APBA1: variants seen among roughly 807,000 people sequenced by gnomAD.
The protein encoded by APBA1 is amyloid beta precursor protein binding family A member 1.
Under a neutral mutation model 86.6 loss-of-function variants are expected in APBA1, and 55 were observed. That is an observed-to-expected ratio of 0.64 (90% CI 0.51 to 0.80). The LOEUF (loss-of-function observed/expected upper bound fraction) is 0.80, where lower values mean the gene tolerates loss of function less well. Among genes scored for constraint, APBA1 ranks in the 30% least tolerant of loss-of-function variants. APBA1 has a pLI of 0.00. For synonymous variants in APBA1, 511 were observed against 493.9 expected (o/e 1.03, Z -0.46); for missense variants, 1,090 against 1,183.0 (o/e 0.92, Z 1.15).
At chr9:69,441,144 T>C (rs564913151) in intron 10 of APBA1, 29 bp from the exon 11 acceptor site, 27 of 1,602,966 alleles carry the variant, frequency 1.7e-5, no homozygotes, top group Non-Finnish European at 2.3e-5. Context: ...ACAGTGGGTA[T>C]GGTGACCACT....
intron 1 of APBA1, among the ~76,000 whole-genome samples, chr9:69,565,433 AC>A (rs2133942587): frequency 6.6e-6 from 1 of 152,046 alleles, no homozygotes; most frequent in African/African-American, 2.4e-5. Context: ...AGCTCCTATG[AC>A]CTTAATCATC....
intron 1 of APBA1, among the ~76,000 whole-genome samples, chr9:69,524,605 A>G (rs968046435): frequency 6.6e-6 from 1 of 151,662 alleles, no homozygotes; most frequent in African/African-American, 2.4e-5. Flanking sequence ...AAACCTACCA[A>G]CTGAAAAAAA....
intron 2 of APBA1, among the ~76,000 whole-genome samples, chr9:69,506,444 G>A (rs1835968183): frequency 1.9e-5 from 2 of 104,928 alleles, no homozygotes; most frequent in Admixed American, 2.0e-4. Flanking sequence ...CTGATTGCTA[G>A]CACAGCAGTC....
intron 1 of APBA1, among the ~76,000 whole-genome samples, chr9:69,519,936 G>A (rs1387075047): frequency 6.6e-6 from 1 of 152,180 alleles, no homozygotes; most frequent in African/African-American, 2.4e-5. Context: ...CTCTGGTGGG[G>A]CAGGGGGTGG....
At chr9:69,635,254 TCTTTA>T (rs1172803793) in intron 1 of APBA1, among the ~76,000 whole-genome samples, 2 of 152,156 alleles carry the variant, frequency 1.3e-5, no homozygotes, top group Admixed American at 6.6e-5. Flanking sequence ...ATTACTTTTC[TCTTTA>T]CTTGTTTGTT....
At chr9:69,442,905 G>GC (rs1834848665) in intron 10 of APBA1, among the ~76,000 whole-genome samples, 1 of 152,196 alleles carries the variant, frequency 6.6e-6, no homozygotes, top group Non-Finnish European at 1.5e-5. Flanking sequence ...CCCTGCTCAG[G>GC]TACCCTGCCT....
At chr9:69,621,658 T>C (rs1360293788) in intron 1 of APBA1, among the ~76,000 whole-genome samples, 3 of 151,258 alleles carry the variant, frequency 2.0e-5, no homozygotes, top group Admixed American at 1.3e-4. Context: ...ACAACAGCAG[T>C]TGTGGGATCA....
At chr9:69,581,906 TAA>T (rs1311020892) in intron 1 of APBA1, among the ~76,000 whole-genome samples, 2 of 152,122 alleles carry the variant, frequency 1.3e-5, no homozygotes, top group African/African-American at 4.8e-5. Flanking sequence ...AGGCACTCTG[TAA>T]AAGAGTGACC....
intron 1 of APBA1, among the ~76,000 whole-genome samples, chr9:69,603,554 G>C (rs148795991): frequency 0.013 from 1,968 of 152,258 alleles, 17 homozygotes; most frequent in Non-Finnish European, 0.02. Flanking sequence ...AAAAGTACAT[G>C]GATATTGCCA....
chr9:69,436,591 T>A, intron 11 of APBA1, among the ~76,000 whole-genome samples: 1 of 137,682 alleles, frequency 7.3e-6, no homozygotes, highest in African/African-American at 2.8e-5. Context: ...GTTGTTGGTG[T>A]ATAAGAATGC....
intron 1 of APBA1, among the ~76,000 whole-genome samples, chr9:69,546,957 C>A (rs965067801): frequency 6.6e-6 from 1 of 152,218 alleles, no homozygotes; most frequent in Non-Finnish European, 1.5e-5. Context: ...AAGTGTTACG[C>A]ATACATTTAA....
At chr9:69,434,465 T>C (rs958545077) in intron 11 of APBA1, among the ~76,000 whole-genome samples, 1 of 151,712 alleles carries the variant, frequency 6.6e-6, no homozygotes, top group Non-Finnish European at 1.5e-5. Context: ...TACCAGCACT[T>C]TGGGAGGCAG....
intron 1 of APBA1, among the ~76,000 whole-genome samples, chr9:69,583,648 T>C (rs1474794319): frequency 1.3e-5 from 2 of 152,260 alleles, no homozygotes; most frequent in Non-Finnish European, 2.9e-5. Context: ...AAGAGATTTC[T>C]AATTATACAA....
At chr9:69,453,706 G>T (rs144820255) in intron 8 of APBA1, among the ~76,000 whole-genome samples, 139 of 152,282 alleles carry the variant, frequency 9.1e-4, no homozygotes, top group African/African-American at 3.2e-3. Context: ...ACTGTACATT[G>T]TGCCATAACC....
rs182298001 is a variant in APBA1 at position 69,458,730 on chromosome 9, T to C, written c.1483-542A>G. On this transcript the variant is annotated intron_variant, in intron 5 of 12. Transcript: ENST00000265381. ...TTTTTTTTCAAATTTCCACTGCAAT[T>C]TCTTAGAACCTTGGATTATTTGGAA... 1.3e-3 allele frequency among the ~76,000 whole-genome samples: 203 copies of C among 152,324 alleles called. 1 individual carries two copies. Among genetic ancestry groups the C allele is most frequent in the Middle Eastern group, 6.8e-3 (2 of 294 alleles).
In APBA1 at chr9:69,519,608, C is replaced by T. The variant is rs192025359; in HGVS notation, c.-69-2329G>A. 2.5e-3 allele frequency among the ~76,000 whole-genome samples: 385 copies of T among 152,304 alleles called. 1 individual carries two copies. Among genetic ancestry groups the T allele is most frequent in the Non-Finnish European group, 4.4e-3 (301 of 68,024 alleles). ...AAAGGGATAGCAAACATATCACAGA[C>T]TTTCTTGGGTTCTGTTACCCAGAGG... On this transcript the variant is annotated intron_variant, in intron 1 of 12. Coordinates refer to ENST00000265381, the MANE Select transcript of APBA1 (RefSeq NM_001163.4).
At chr9:69,514,252 G>A (rs1362287015) in intron 2 of APBA1, among the ~76,000 whole-genome samples, 3 of 152,178 alleles carry the variant, frequency 2.0e-5, no homozygotes, top group Non-Finnish European at 4.4e-5. Context: ...ACCACCAGAT[G>A]TGAAAAATTA....
rs978667127 is a variant in APBA1, at chr9:69,643,565, CCTT to C, written c.-70+28585_-70+28587del. 2.8e-4 allele frequency among the ~76,000 whole-genome samples: 42 copies of C among 152,308 alleles called. No individual in the cohort carries two copies. In the Middle Eastern group the frequency reaches 0.01, roughly 37 times the overall value. On this transcript the variant is annotated intron_variant, in intron 1 of 12. Transcript: ENST00000265381. ...CTATGTCTGCCTCATTCCTCTCCCT[CCTT>C]CTTGTTTCAGGATACTTCTCTATGC...
chr9:69,460,414 A>C (rs1485618455), intron 5 of APBA1, among the ~76,000 whole-genome samples: 1 of 152,200 alleles, frequency 6.6e-6, no homozygotes, highest in African/African-American at 2.4e-5. Flanking sequence ...GTGGAACCCC[A>C]GAGTCTGGCC....
Sources: gnomAD v4.1 joint callset for allele counts (sites outside exome capture counted in the v4.1 genomes callset) on GRCh38, gnomAD v4.1.1 for gene constraint, MANE v1.5 for transcripts, NCBI Gene and HGNC (gene_info 2026-07-23, HGNC 2026-07-21) for gene names.